Variants in SYNE2 observed in about 807,000 individuals in gnomAD.
SYNE2 encodes the protein spectrin repeat containing nuclear envelope protein 2, also known as nesprin-2.
SYNE2 carries 431 observed loss-of-function variants against 856.3 expected under a neutral mutation model. The observed-to-expected ratio is 0.50, with a 90% CI of 0.47 to 0.55. The LOEUF (loss-of-function observed/expected upper bound fraction) is 0.55. Among genes scored for constraint, SYNE2 ranks in the 20% least tolerant of loss-of-function variants. The probability of loss-of-function intolerance (pLI) is 0.00; values close to 1 mark genes in which losing one functional copy is unlikely to be tolerated. For synonymous variants in SYNE2, 2,923 were observed against 2,872.3 expected (o/e 1.02, Z -0.56); for missense variants, 8,129 against 8,023.2 (o/e 1.01, Z -0.50).
At chr14:64,011,999 A>G (rs566204208) in intron 32 of SYNE2, among the ~76,000 whole-genome samples, 38 of 152,244 alleles carry the variant, frequency 2.5e-4, no homozygotes, top group African/African-American at 7.9e-4. Flanking sequence ...GAGCCTCCCC[A>G]GAAAGTCAAT....
At chr14:64,098,601 C>T (rs539823137) in intron 62 of SYNE2, 146 bp from the exon 63 acceptor site, 19 of 786,670 alleles carry the variant, frequency 2.4e-5, no homozygotes, top group African/African-American at 6.8e-5. Context: ...AGGAGCTGAA[C>T]GGACCAGGAG....
Position 64,070,813 on chromosome 14 carries a change from C to T in SYNE2, c.10600C>T (p.Arg3534Cys), listed in dbSNP as rs368669161. 1.3e-5 allele frequency: 21 copies of T among 1,614,038 alleles called. No individual in the cohort carries two copies. Among genetic ancestry groups the T allele is most frequent in the Middle Eastern group, 1.6e-4 (1 of 6,084 alleles). The part of the protein sequence containing the change: ...QQLLLTLLLQ[R>C]IRSIQNVPES... ...GCTGTTACTGACTCTACTTCTTCAGCGCATCAGAAGTATCCAGAATGTTCC... is the reference window on the plus strand; with the variant it reads ...GCTGTTACTGACTCTACTTCTTCAGTGCATCAGAAGTATCCAGAATGTTCC... Residue 3534 changes from arginine to cysteine, a missense_variant, in exon 52 of 116, where the codon CGC becomes TGC. By Grantham distance (180) the Arg-to-Cys change is radical. This residue lies in a region of SYNE2 where 5,410 missense variants were observed against 5,284.8 expected (regional missense o/e 1.02). Coordinates refer to ENST00000555002, the MANE Select transcript of SYNE2 (RefSeq NM_182914.3).
At chr14:63,897,706 G>A (rs750253225) in intron 1 of SYNE2, among the ~76,000 whole-genome samples, 3 of 152,130 alleles carry the variant, frequency 2.0e-5, no homozygotes, top group African/African-American at 4.8e-5. Context: ...ATCCTTGTAT[G>A]CTTCTTTGGT....
chr14:64,042,824 C>T (rs917818792), intron 45 of SYNE2, among the ~76,000 whole-genome samples: 11 of 152,020 alleles, frequency 7.2e-5, no homozygotes, highest in South Asian at 2.1e-4. Flanking sequence ...AAACTAATAC[C>T]GTAAATAGGT....
intron 77 of SYNE2, 133 bp from the exon 78 acceptor site, chr14:64,133,936 C>G: frequency 9.3e-7 from 1 of 1,074,930 alleles, no homozygotes. Context: ...TTACGTCTCT[C>G]GAACACACCT....
At chr14:64,087,026 C>G (rs1420931074) in intron 57 of SYNE2, among the ~76,000 whole-genome samples, 1 of 134,328 alleles carries the variant, frequency 7.4e-6, no homozygotes, top group Non-Finnish European at 1.5e-5. Flanking sequence ...ACATTTCTTG[C>G]ATGTATACTG....
chr14:63,833,342 G>A (rs1889735872), intron 1 of SYNE2, among the ~76,000 whole-genome samples: 2 of 152,136 alleles, frequency 1.3e-5, no homozygotes, highest in African/African-American at 4.8e-5. Flanking sequence ...AGAGGAGGTA[G>A]AATACAAATC....
chr14:63,918,817 T>C, intron 2 of SYNE2, among the ~76,000 whole-genome samples: 1 of 152,182 alleles, frequency 6.6e-6, no homozygotes, highest in Non-Finnish European at 1.5e-5. Context: ...GGCACCTGGC[T>C]CAAAGGTGGA....
chr14:64,060,896 C>T (rs1005445692), intron 49 of SYNE2, among the ~76,000 whole-genome samples: 1 of 152,124 alleles, frequency 6.6e-6, no homozygotes, highest in Non-Finnish European at 1.5e-5. Flanking sequence ...GAGTTTTGTC[C>T]TATGTTGGCA....
At chr14:64,130,345 G>A in intron 76 of SYNE2, 97 bp downstream of exon 76, 1 of 1,121,436 alleles carries the variant, frequency 8.9e-7, no homozygotes. Flanking sequence ...CTTCTTTGTT[G>A]AAATTTAAGC....
At chr14:64,130,874 ACT>A (rs1190944861) in intron 76 of SYNE2, among the ~76,000 whole-genome samples, 2 of 145,974 alleles carry the variant, frequency 1.4e-5, no homozygotes, top group African/African-American at 2.5e-5. Flanking sequence ...ACACAGCAAG[ACT>A]CTATCTCAAA....
chr14:64,161,740 C>CAAAA (rs903391848), intron 87 of SYNE2, among the ~76,000 whole-genome samples: 1 of 56,290 alleles, frequency 1.8e-5, no homozygotes, highest in African/African-American at 5.6e-5. Flanking sequence ...CCTGTCTCTA[C>CAAAA]AAAAAAAAAA....
chr14:63,982,634 C>T lies in SYNE2; in HGVS notation c.1841C>T (p.Pro614Leu). The stretch of plus-strand genomic sequence containing the variant: ...TGTTGCTTGTGTATCATGTAGGTAC[C>T]CTTTGAGACACTAGCCCAGTGGAAT... ...ETKKEEIKEV[P>L]FETLAQWNLE... Residue 614 changes from proline (P) to leucine (L), a missense_variant, in exon 17 of 116, where the codon CCC becomes CTC. Physicochemically the swap from Pro to Leu is moderately conservative, Grantham distance 98 (BLOSUM62 -3). Around this residue, in one of 3 missense-constraint regions of SYNE2, gnomAD observed 2,422 missense variants for 2,357.4 expected, o/e 1.03. Coordinates refer to ENST00000555002, the MANE Select transcript of SYNE2 (RefSeq NM_182914.3). The T allele has an allele frequency of 6.2e-7, 1 of 1,613,766 alleles. No homozygotes were observed. Among genetic ancestry groups the T allele is most frequent in the Non-Finnish European group, 8.5e-7 (1 of 1,179,864 alleles).
chr14:63,776,984 A>G (rs2139723821), intron 1 of SYNE2, among the ~76,000 whole-genome samples: 1 of 152,348 alleles, frequency 6.6e-6, no homozygotes, highest in South Asian at 2.1e-4. Flanking sequence ...ATACATTGTT[A>G]TTTAATTTTA....
intron 11 of SYNE2, among the ~76,000 whole-genome samples, chr14:63,974,217 T>C (rs546166835): frequency 6.6e-6 from 1 of 152,322 alleles, no homozygotes; most frequent in South Asian, 2.1e-4. Flanking sequence ...GTGATTGATC[T>C]TCATATGAGT....
intron 1 of SYNE2, among the ~76,000 whole-genome samples, chr14:63,767,618 A>C (rs577124989): frequency 6.6e-5 from 10 of 152,212 alleles, no homozygotes; most frequent in African/African-American, 2.4e-4. Flanking sequence ...TCTCTGGTCC[A>C]CCATGTCCCA....
Position 63,982,519 on chromosome 14 carries a change from C to CA in SYNE2, c.1837-93dup, listed in dbSNP as rs71444636. On this transcript the variant is annotated intron_variant, in intron 16 of 115. Transcript: ENST00000555002. The stretch of plus-strand genomic sequence containing the variant: ...TGGGCAACAGAGCAAGACTCCATCT[C>CA]AAAAAAAAAAAAAAAAAAGAAAAGA... The CA allele has an allele frequency of 0.14, 97,750 of 704,032 alleles. 832 individuals are homozygous for CA. Among genetic ancestry groups the CA allele is most frequent in the African/African-American group, 0.21 (6,461 of 30,306 alleles). The allele number at this position is 704,032 out of a possible 1,614,324, so 43.6% of individuals were successfully genotyped here.
intron 100 of SYNE2, among the ~76,000 whole-genome samples, chr14:64,205,898 G>A (rs1323661746): frequency 6.6e-6 from 1 of 152,008 alleles, no homozygotes; most frequent in Non-Finnish European, 1.5e-5. Context: ...CTAATTAATA[G>A]CCCCTGCCGT....
At chr14:64,027,839 A>T in intron 43 of SYNE2, 46 bp downstream of exon 43, 1 of 1,431,036 alleles carries the variant, frequency 7.0e-7, no homozygotes, top group South Asian at 1.2e-5. Flanking sequence ...CTAATTATAC[A>T]TAAGTATGCA....
Sources: allele counts gnomAD v4.1 joint callset (sites outside exome capture counted in the v4.1 genomes callset), GRCh38; gene constraint gnomAD v4.1.1; regional missense constraint gnomAD v4.1.1; transcripts MANE v1.5; gene names NCBI Gene and HGNC (gene_info 2026-07-23, HGNC 2026-07-21).